Variants in ATP10D observed in about 807,000 individuals in gnomAD.
ATP10D encodes phospholipid-transporting ATPase VD.
ATP10D carries 89 observed loss-of-function variants against 144.8 expected under a neutral mutation model. That is an observed-to-expected ratio of 0.61 (90% CI 0.52 to 0.73). The LOEUF is 0.73. Ranked by LOEUF, ATP10D falls within the 30% of genes least tolerant of loss-of-function variation. ATP10D has a pLI of 0.00. For missense variants in ATP10D, 1,603 were observed against 1,714.8 expected, an observed-to-expected ratio of 0.93 and a Z score of 1.15; for synonymous variants, 571 against 615.1, an observed-to-expected ratio of 0.93 and a Z score of 1.06.
At chr4:47,553,682 G>T (rs6811048) in intron 10 of ATP10D, among the ~76,000 whole-genome samples, 4 of 151,890 alleles carry the variant, frequency 2.6e-5, no homozygotes, top group Non-Finnish European at 5.9e-5. Flanking sequence ...TTAGTATGCA[G>T]TGGAGCTAAG....
chr4:47,534,952 T>C (rs956234802), intron 5 of ATP10D, among the ~76,000 whole-genome samples: 3 of 152,070 alleles, frequency 2.0e-5, no homozygotes, highest in African/African-American at 7.2e-5. Flanking sequence ...AAAATGTGAC[T>C]TATGTACACA....
intron 1 of ATP10D, among the ~76,000 whole-genome samples, chr4:47,502,953 G>A (rs922274312): frequency 5.3e-5 from 8 of 152,182 alleles, no homozygotes; most frequent in Non-Finnish European, 1.0e-4. Context: ...TGTAATCCCA[G>A]TACTTTGGGA....
intron 1 of ATP10D, among the ~76,000 whole-genome samples, chr4:47,502,801 T>C (rs1242121387): frequency 2.0e-5 from 3 of 151,924 alleles, no homozygotes; most frequent in Non-Finnish European, 2.9e-5. Flanking sequence ...GGTAACTAGT[T>C]CTAGTATGAA....
chr4:47,500,451 G>T (rs1204616443), intron 1 of ATP10D, among the ~76,000 whole-genome samples: 1 of 152,214 alleles, frequency 6.6e-6, no homozygotes, highest in Non-Finnish European at 1.5e-5. Context: ...GGTGGATCAG[G>T]TTGATTGTAA....
At position 47,535,900 on chromosome 4, in the gene ATP10D, A is replaced by G. The variant is rs1349959325; in HGVS notation, c.884-2A>G. 2 of 1,610,002 alleles carry G rather than the reference A, an allele frequency of 1.2e-6. No individual in the cohort carries two copies. The highest frequency in any genetic ancestry group is 1.7e-6 in the Non-Finnish European group (2 of 1,178,506). ...TTCTATCATACTGCACATCCTTCATAGGCCATGAAACCAAAGCAATGCTGA... is the reference window on the plus strand; with the variant it reads ...TTCTATCATACTGCACATCCTTCATGGGCCATGAAACCAAAGCAATGCTGA... On this transcript the variant is annotated splice_acceptor_variant, in intron 6 of 22. Transcript: ENST00000273859. LOFTEE classifies it high-confidence loss of function.
intron 2 of ATP10D, among the ~76,000 whole-genome samples, chr4:47,514,255 G>T (rs1334897284): frequency 2.0e-5 from 3 of 152,128 alleles, no homozygotes; most frequent in African/African-American, 7.2e-5. Context: ...ATTTGAATTT[G>T]TTGAATTAAT....
Position 47,535,373 on chromosome 4 carries a change from T to C in ATP10D, c.777-136T>C, listed in dbSNP as rs554330819. On this transcript the variant is annotated intron_variant, in intron 5 of 22. Coordinates refer to ENST00000273859, the MANE Select transcript of ATP10D (RefSeq NM_020453.4). ...AAGTAACTGCAATAACCAAAGTAAA[T>C]GGGCCAGAGATTTGAAAACTTTCTT... The C allele has an allele frequency of 6.5e-4, 389 of 598,242 alleles. No individual in the cohort carries two copies. In the African/African-American group the frequency reaches 7.1e-3, roughly 11 times the overall value. 37.1% of individuals were successfully genotyped at this position (598,242 alleles called of 1,614,324 possible).
chr4:47,512,757 A>C lies in ATP10D; in HGVS notation c.217A>C (p.Asn73His). Residue 73 changes from asparagine to histidine, a missense_variant, in exon 2 of 23, where the codon AAC becomes CAC. Coordinates refer to ENST00000273859, the MANE Select transcript of ATP10D (RefSeq NM_020453.4). ...EYEKFSGAYVNNRIRTTKYTL... is the reference protein window; with the variant it reads ...EYEKFSGAYVHNRIRTTKYTL... ...TGAGAAGTTCTCCGGAGCCTATGTGAACAATCGAATACGAACAACAAAGTA... is the reference window on the plus strand; with the variant it reads ...TGAGAAGTTCTCCGGAGCCTATGTGCACAATCGAATACGAACAACAAAGTA... The C allele has an allele frequency of 6.2e-7, 1 of 1,614,200 alleles. No homozygotes were observed. The highest frequency in any genetic ancestry group is 8.5e-7 in the Non-Finnish European group (1 of 1,179,998).
chr4:47,535,953 G>A lies in ATP10D; in HGVS notation c.935G>A (p.Ser312Asn). The A allele has an allele frequency of 6.2e-7, 1 of 1,613,084 alleles. No homozygotes were observed. Among genetic ancestry groups the A allele is most frequent in the Non-Finnish European group, 8.5e-7 (1 of 1,179,308 alleles). Residue 312 changes from serine (S) to asparagine (N), a missense_variant, in exon 7 of 23, where the codon AGC becomes AAC. Ser to Asn is a conservative substitution (Grantham distance 46). Transcript: ENST00000273859. ...LNNSGPRYKRSKLERRANTDV... is the reference protein window; with the variant it reads ...LNNSGPRYKRNKLERRANTDV... Reference sequence around the variant, plus strand: ...AACAGTGGGCCACGGTATAAGCGCAGCAAATTAGAAAGAAGAGCAAACACA... The same window carrying A: ...AACAGTGGGCCACGGTATAAGCGCAACAAATTAGAAAGAAGAGCAAACACA...
Position 47,558,227 on chromosome 4 carries a change from A to G in ATP10D, c.2388A>G (p.Lys796=), listed in dbSNP as rs1308437461. The part of the protein sequence containing the change: ...PLSNQVVVYT[K]GADSVIMELL... Reference sequence around the variant, plus strand: ...CCAATCAAGTTGTGGTGTATACGAAAGGCGCTGATTCTGTGATCATGGAGT... The same window carrying G: ...CCAATCAAGTTGTGGTGTATACGAAGGGCGCTGATTCTGTGATCATGGAGT... The change falls in exon 12 of 23, where the codon AAA becomes AAG. Residue 796 remains lysine (K), a synonymous_variant. Coordinates refer to ENST00000273859, the MANE Select transcript of ATP10D (RefSeq NM_020453.4). 1 of 1,614,176 alleles carries G rather than the reference A, an allele frequency of 6.2e-7. No homozygotes were observed. Among genetic ancestry groups the G allele is most frequent in the Non-Finnish European group, 8.5e-7 (1 of 1,180,028 alleles).
intron 3 of ATP10D, among the ~76,000 whole-genome samples, chr4:47,520,273 TC>T (rs894515050): frequency 5.3e-5 from 8 of 152,194 alleles, no homozygotes; most frequent in Non-Finnish European, 2.9e-5. Context: ...TTACCTACTT[TC>T]TTCTGACCTT....
chr4:47,525,677 G>A (rs766488841), intron 5 of ATP10D, 35 bp downstream of exon 5: 1 of 1,476,800 alleles, frequency 6.8e-7, no homozygotes, highest in Non-Finnish European at 9.5e-7. Context: ...GTGGGTGTAA[G>A]TGGAATTGTG....
Position 47,576,895 on chromosome 4 carries a change from T to C in ATP10D, c.3489T>C (p.Tyr1163=). Residue 1163 remains tyrosine, a synonymous_variant, in exon 19 of 23, where the codon TAT becomes TAC. Transcript: ENST00000273859. ...TCACATCTGCCCCTCCTGTCATTTA[T>C]GGTGTTTTGGAGAAAGATGTGTCTG... ...LLFTSAPPVI[Y]GVLEKDVSAE... 6.2e-7 allele frequency: 1 copy of C among 1,614,186 alleles called. No individual in the cohort carries two copies. Among genetic ancestry groups the C allele is most frequent in the East Asian group, 2.2e-5 (1 of 44,874 alleles).
At chr4:47,564,358 C>T (rs898104525) in intron 15 of ATP10D, among the ~76,000 whole-genome samples, 3 of 151,860 alleles carry the variant, frequency 2.0e-5, no homozygotes, top group African/African-American at 4.8e-5. Flanking sequence ...GCTTTCCCCC[C>T]TCCACACTGG....
chr4:47,558,928 G>A lies in ATP10D; in HGVS notation c.2440G>A (p.Ala814Thr). 1 of 1,612,764 alleles carries A rather than the reference G, an allele frequency of 6.2e-7. No individual in the cohort carries two copies. Residue 814 changes from alanine (A) to threonine (T), a missense_variant, in exon 13 of 23, where the codon GCA (alanine) becomes ACA (threonine). Physicochemically the swap from Ala to Thr is moderately conservative, Grantham distance 58. Coordinates refer to ENST00000273859, the MANE Select transcript of ATP10D (RefSeq NM_020453.4). ...CATCTTGTCCATTATTTCAGATGGA[G>A]CAAGTCTGGAGAAACAACAGATGAT... ...ELLSVASPDGASLEKQQMIVR... is the reference protein window; with the variant it reads ...ELLSVASPDGTSLEKQQMIVR...
chr4:47,495,463 T>A (rs9654081), intron 1 of ATP10D, among the ~76,000 whole-genome samples: 120,001 of 152,110 alleles, frequency 0.79, 47,942 homozygotes, highest in Middle Eastern at 0.86. Flanking sequence ...TAAAATGAAG[T>A]TCTGTTTTCT....
chr4:47,557,612 G>A (rs1318405208), intron 11 of ATP10D, 52 bp from the exon 12 acceptor site: 53 of 1,465,670 alleles, frequency 3.6e-5, no homozygotes, highest in Non-Finnish European at 4.7e-5. Context: ...CTTCAAAGTT[G>A]TTAGAAACTG....
intron 15 of ATP10D, among the ~76,000 whole-genome samples, chr4:47,565,861 A>G (rs1719610720): frequency 6.6e-6 from 1 of 152,234 alleles, no homozygotes; most frequent in Admixed American, 6.5e-5. Flanking sequence ...AGAAGTATTT[A>G]CTGAGTACCT....
chr4:47,581,054 C>T (rs1720490710), intron 20 of ATP10D, among the ~76,000 whole-genome samples: 1 of 152,096 alleles, frequency 6.6e-6, no homozygotes, highest in African/African-American at 2.4e-5. Context: ...CAGAGTGAGA[C>T]CCTGTCTTAA....
Sources: allele counts gnomAD v4.1 joint callset (sites outside exome capture counted in the v4.1 genomes callset), GRCh38; gene constraint gnomAD v4.1.1; transcripts MANE v1.5; gene names NCBI Gene and HGNC (gene_info 2026-07-23, HGNC 2026-07-21).